Variants in CCNT2 observed in about 807,000 individuals in gnomAD.
CCNT2 encodes cyclin T2, also known as cyclin-T2.
Under a neutral mutation model 70.0 loss-of-function variants are expected in CCNT2, and 18 were observed. The ratio of observed to expected loss-of-function variants is 0.26; its 90% CI spans 0.18 to 0.38. The LOEUF (loss-of-function observed/expected upper bound fraction) is 0.38, where lower values mean the gene tolerates loss of function less well. CCNT2 is among the 10% of genes least tolerant of loss of function. The pLI is 1.00. For synonymous variants in CCNT2, 334 were observed against 313.3 expected (o/e 1.07, Z -0.70); for missense variants, 734 against 890.2 (o/e 0.82, Z 2.23).
chr2:134,919,051 C>T (rs1374335701), intron 1 of CCNT2, 39 bp downstream of exon 1: 4 of 1,550,290 alleles, frequency 2.6e-6, no homozygotes, highest in East Asian at 2.3e-5. Context: ...GCCCTGTTTC[C>T]CTTGCCCGGT....
chr2:134,953,301 G>C lies in CCNT2; in HGVS notation c.846G>C (p.Leu282Phe), dbSNP rs765437605. Residue 282 changes from leucine (L) to phenylalanine (F), a missense_variant, in exon 9 of 9, where the codon TTG becomes TTC. Physicochemically the swap from Leu to Phe is conservative, Grantham distance 22. Around this residue, in one of 3 missense-constraint regions of CCNT2, gnomAD observed 532 missense variants for 556.9 expected, o/e 0.96. Transcript: ENST00000264157. The part of the protein sequence containing the change: ...VSETPLLGSS[L>F]VQNSILVDSV... ...AGACACCACTTCTTGGTTCATCTTT[G>C]GTCCAGAATTCCATTTTAGTAGATA... 5.0e-6 allele frequency: 8 copies of C among 1,613,460 alleles called. No homozygotes were observed. The highest frequency in any genetic ancestry group is 6.8e-6 in the Non-Finnish European group (8 of 1,179,686).
chr2:134,952,252 A>T (rs1682567274), intron 7 of CCNT2, among the ~76,000 whole-genome samples: 2 of 152,118 alleles, frequency 1.3e-5, no homozygotes, highest in South Asian at 4.1e-4. Context: ...ATACGTTGGG[A>T]TTATACAAAT....
intron 2 of CCNT2, among the ~76,000 whole-genome samples, chr2:134,924,057 G>A (rs1189697472): frequency 6.6e-6 from 1 of 152,050 alleles, no homozygotes; most frequent in Non-Finnish European, 1.5e-5. Flanking sequence ...TTTTTCCTTA[G>A]GGTGCTTTCT....
At chr2:134,952,428 T>C (rs989925470) in intron 7 of CCNT2, among the ~76,000 whole-genome samples, 5 of 152,132 alleles carry the variant, frequency 3.3e-5, no homozygotes, top group African/African-American at 1.2e-4. Flanking sequence ...ATTAAGCAAG[T>C]AAAATCAAGA....
In CCNT2 at chr2:134,931,270, T is replaced by TTTTTTTTTTTTTTTTTTTC. The variant is rs1680746848; in HGVS notation, c.241-5554_241-5553insTCTTTTTTTTTTTTTTTTT. Among the ~76,000 whole-genome samples the TTTTTTTTTTTTTTTTTTTC allele has an allele frequency of 1.5e-5, 2 of 133,784 alleles. 1 individual carries two copies. Among genetic ancestry groups the TTTTTTTTTTTTTTTTTTTC allele is most frequent in the African/African-American group, 6.1e-5 (2 of 32,622 alleles). The allele number at this position is 133,784 out of a possible 152,430, so 87.8% of individuals were successfully genotyped here. ...AGCCACCATGCCCGGATCTTTTTTT[T>TTTTTTTTTTTTTTTTTTTC]TTTTTTTTTTTTTTTTTGGTATTTG... On this transcript the variant is annotated intron_variant, in intron 2 of 8. Coordinates refer to ENST00000264157, the MANE Select transcript of CCNT2 (RefSeq NM_058241.3).
rs1268955772 is a variant in CCNT2, at chr2:134,953,516, A to T, written c.1061A>T (p.His354Leu). ...GLSSHQEWPQ[H>L]QDSARTEQLY... ...TCATCACACCAGGAATGGCCTCAACATCAAGACTCAGCAAGGACAGAACAG... is the reference window on the plus strand; with the variant it reads ...TCATCACACCAGGAATGGCCTCAACTTCAAGACTCAGCAAGGACAGAACAG... Residue 354 changes from histidine to leucine, a missense_variant, in exon 9 of 9, where the codon CAT becomes CTT. By Grantham distance (99) the His-to-Leu change is moderately conservative (BLOSUM62 -3). Coordinates refer to ENST00000264157, the MANE Select transcript of CCNT2 (RefSeq NM_058241.3). 9 of 1,614,236 alleles carry T rather than the reference A, an allele frequency of 5.6e-6. No homozygotes were observed. The highest frequency in any genetic ancestry group is 6.8e-6 in the Non-Finnish European group (8 of 1,180,038).
chr2:134,921,032 C>T (rs1167092431), intron 2 of CCNT2, among the ~76,000 whole-genome samples: 1 of 152,140 alleles, frequency 6.6e-6, no homozygotes, highest in Non-Finnish European at 1.5e-5. Context: ...TGCTCTGTTG[C>T]TTCTAGTTTC....
intron 4 of CCNT2, among the ~76,000 whole-genome samples, chr2:134,941,342 T>C (rs538637398): frequency 1.3e-5 from 2 of 152,368 alleles, no homozygotes; most frequent in South Asian, 2.1e-4. Context: ...CTCTTCCTTA[T>C]GATTTTCTTA....
rs752377256 is a variant in CCNT2, at chr2:134,953,897, C to T, written c.1442C>T (p.Pro481Leu). The T allele has an allele frequency of 5.0e-6, 8 of 1,613,730 alleles. No individual in the cohort carries two copies. Among genetic ancestry groups the T allele is most frequent in the Non-Finnish European group, 6.8e-6 (8 of 1,179,928 alleles). Residue 481 changes from proline (P) to leucine (L), a missense_variant, in exon 9 of 9, where the codon CCC becomes CTC. Pro to Leu is a moderately conservative substitution (Grantham distance 98). Transcript: ENST00000264157. ...GCCAGCAGCAGTTCTGTTACTTCTC[C>T]CATTAAAATGAAAATACCTATCGCA... ...QAASSSSVTS[P>L]IKMKIPIANT...
At chr2:134,920,340 A>G (rs1679800650) in intron 2 of CCNT2, 1 of 152,384 alleles carries the variant, frequency 6.6e-6, no homozygotes, top group African/African-American at 2.4e-5. Flanking sequence ...AGTAGAAATA[A>G]TTCATTTCTT....
At chr2:134,937,523 T>C (rs1681247583) in intron 3 of CCNT2, among the ~76,000 whole-genome samples, 1 of 152,198 alleles carries the variant, frequency 6.6e-6, no homozygotes, top group Non-Finnish European at 1.5e-5. Context: ...GACAACTTTA[T>C]CATCAACATT....
chr2:134,949,581 C>A (rs545528136), intron 7 of CCNT2, among the ~76,000 whole-genome samples: 5 of 152,182 alleles, frequency 3.3e-5, no homozygotes, highest in Admixed American at 2.6e-4. Context: ...GAATATATAT[C>A]TCATGCTGTA....
chr2:134,919,392 C>T (rs1248839258), intron 1 of CCNT2, among the ~76,000 whole-genome samples: 1 of 152,180 alleles, frequency 6.6e-6, no homozygotes, highest in African/African-American at 2.4e-5. Flanking sequence ...TGCTGAAAGG[C>T]CTAAGTGTTT....
At chr2:134,922,918 T>C (rs772738638) in intron 2 of CCNT2, among the ~76,000 whole-genome samples, 6 of 152,204 alleles carry the variant, frequency 3.9e-5, no homozygotes, top group Non-Finnish European at 5.9e-5. Context: ...TTTTCCATCT[T>C]CTCTTACTTC....
intron 5 of CCNT2, 131 bp from the exon 6 acceptor site, chr2:134,945,970 A>G: frequency 6.3e-7 from 1 of 1,577,078 alleles, no homozygotes; most frequent in Non-Finnish European, 8.6e-7. Context: ...CGCTCTTGTG[A>G]TATTTGTAAG....
intron 1 of CCNT2, among the ~76,000 whole-genome samples, chr2:134,919,319 A>G (rs1458518348): frequency 6.6e-6 from 1 of 152,124 alleles, no homozygotes; most frequent in African/African-American, 2.4e-5. Context: ...TATTGCAGAA[A>G]AGGGGCGGCT....
intron 5 of CCNT2, chr2:134,944,195 A>G (rs1681784085): frequency 2.0e-6 from 2 of 981,854 alleles, no homozygotes; most frequent in Non-Finnish European, 2.4e-6. Flanking sequence ...ACAGTATAGC[A>G]TAGAATTATA....
intron 5 of CCNT2, chr2:134,944,156 G>A (rs1681780235): frequency 1.0e-6 from 1 of 983,786 alleles, no homozygotes; most frequent in Admixed American, 6.2e-5. Context: ...ATATCAGCGT[G>A]TTTTATAGCA....
At position 134,944,140 on chromosome 2, in the gene CCNT2, ATGGT is replaced by A. The variant is rs148230068; in HGVS notation, c.493+1468_493+1471del. 2.0e-3 allele frequency: 1,940 copies of A among 984,264 alleles called. 18 individuals carry two copies. The African/African-American group carries it at 0.024, about 12-fold the overall frequency. 61.0% of individuals were successfully genotyped at this position (984,264 alleles called of 1,614,324 possible). A position where few individuals can be genotyped will look rare whatever the true frequency, so the allele number is the denominator to read the frequency against. On this transcript the variant is annotated intron_variant, in intron 5 of 8. Transcript: ENST00000264157. ...TATTTAACTGTGGTTCCTGTTCTTC[ATGGT>A]TATATCAGCGTGTTTTATAGCACAT...
Sources: gnomAD v4.1 joint callset for allele counts (sites outside exome capture counted in the v4.1 genomes callset) on GRCh38, gnomAD v4.1.1 for gene constraint, gnomAD v4.1.1 regional missense constraint, MANE v1.5 for transcripts, NCBI Gene and HGNC (gene_info 2026-07-23, HGNC 2026-07-21) for gene names.